WDR82: variants seen among roughly 807,000 people sequenced by gnomAD.
WDR82 encodes the protein WD repeat-containing protein 82.
Under a neutral mutation model 36.1 loss-of-function variants are expected in WDR82, and 8 were observed. The ratio of observed to expected loss-of-function variants is 0.22; its 90% CI spans 0.13 to 0.40. The LOEUF (loss-of-function observed/expected upper bound fraction) is 0.40, where lower values mean the gene tolerates loss of function less well. Among genes scored for constraint, WDR82 ranks in the 10% least tolerant of loss-of-function variants. WDR82 has a pLI of 1.00. For synonymous variants in WDR82, 129 were observed against 137.8 expected (o/e 0.94, Z 0.45); for missense variants, 185 against 400.5 (o/e 0.46, Z 4.59).
intron 4 of WDR82, among the ~76,000 whole-genome samples, chr3:52,260,895 G>A (rs993991767): frequency 6.6e-6 from 1 of 152,224 alleles, no homozygotes; most frequent in African/African-American, 2.4e-5. Flanking sequence ...ACTTTGGGAG[G>A]CCAAGGTAGG....
At chr3:52,262,488 G>T (rs145988417) in intron 3 of WDR82, among the ~76,000 whole-genome samples, 84 of 152,308 alleles carry the variant, frequency 5.5e-4, no homozygotes, top group African/African-American at 1.9e-3. Context: ...AGTGGCATCA[G>T]CATCACCTGG....
chr3:52,271,428 C>T (rs1477690261), intron 1 of WDR82, among the ~76,000 whole-genome samples: 3 of 152,166 alleles, frequency 2.0e-5, no homozygotes, highest in South Asian at 4.1e-4. Context: ...CAAAAACTCA[C>T]GTGATGATCC....
intron 3 of WDR82, among the ~76,000 whole-genome samples, chr3:52,262,064 TATTTGGCA>T (rs776988399): frequency 1.3e-5 from 2 of 152,216 alleles, no homozygotes; most frequent in African/African-American, 2.4e-5. Flanking sequence ...ACTGGAACAT[TATTTGGCA>T]ATAAAAAGTA....
intron 2 of WDR82, among the ~76,000 whole-genome samples, chr3:52,269,281 CCTGA>C (rs1279454069): frequency 6.6e-6 from 1 of 151,778 alleles, no homozygotes; most frequent in Non-Finnish European, 1.5e-5. Context: ...TCGAGACCAG[CCTGA>C]CTAACATGGT....
At chr3:52,277,958 G>C (rs529985501) in intron 1 of WDR82, among the ~76,000 whole-genome samples, 2 of 152,306 alleles carry the variant, frequency 1.3e-5, no homozygotes, top group Non-Finnish European at 2.9e-5. Flanking sequence ...GATGCATAGC[G>C]CTCAAAGGAG....
At chr3:52,262,677 T>C (rs1052568065) in intron 3 of WDR82, among the ~76,000 whole-genome samples, 2 of 152,246 alleles carry the variant, frequency 1.3e-5, no homozygotes, top group Admixed American at 1.3e-4. Context: ...TATTCCTTTT[T>C]TGGTTCCCTT....
At chr3:52,277,064 C>A (rs368794170) in intron 1 of WDR82, among the ~76,000 whole-genome samples, 1 of 82,774 alleles carries the variant, frequency 1.2e-5, no homozygotes, top group Non-Finnish European at 2.7e-5. Flanking sequence ...CCCAAGATCT[C>A]AAATAATAAT....
chr3:52,278,152 A>T, intron 1 of WDR82, 49 bp downstream of exon 1: 1 of 1,515,280 alleles, frequency 6.6e-7, no homozygotes, highest in Non-Finnish European at 8.9e-7. Flanking sequence ...GTGCTGGGCC[A>T]CCGGAGGGAG....
At chr3:52,257,894 G>A (rs1700027538) in intron 8 of WDR82, among the ~76,000 whole-genome samples, 1 of 151,848 alleles carries the variant, frequency 6.6e-6, no homozygotes, top group Admixed American at 6.6e-5. Context: ...AAAAAGTAAG[G>A]AACTGGATGG....
At chr3:52,270,847 TC>T in intron 1 of WDR82, 38 bp from the exon 2 acceptor site, 1 of 1,477,088 alleles carries the variant, frequency 6.8e-7, no homozygotes, top group Non-Finnish European at 9.3e-7. Flanking sequence ...ATGAACATTC[TC>T]CATCATCAAA....
Position 52,270,767 on chromosome 3 carries a change from G to C in WDR82, c.204C>G (p.Leu68=). The C allele has an allele frequency of 6.2e-7, 1 of 1,613,470 alleles. No individual in the cohort carries two copies. Among genetic ancestry groups the C allele is most frequent in the Non-Finnish European group, 8.5e-7 (1 of 1,179,750 alleles). The stretch of plus-strand genomic sequence containing the variant: ...TGTTTGCTGCATGAGTGTATCTGAT[G>C]AGGTCCACACCATATTTCTTACTGT... ...TLYSKKYGVD[L]IRYTHAANTV... Residue 68 remains leucine (L), a synonymous_variant, in exon 2 of 9, where the codon CTC becomes CTG. Coordinates refer to ENST00000296490, the MANE Select transcript of WDR82 (RefSeq NM_025222.4).
intron 1 of WDR82, among the ~76,000 whole-genome samples, chr3:52,277,734 G>T (rs1361817822): frequency 1.3e-5 from 2 of 152,232 alleles, no homozygotes; most frequent in Non-Finnish European, 2.9e-5. Flanking sequence ...GGGATGGGCG[G>T]AGTGCCAGGG....
chr3:52,273,562 T>C (rs1303045677), intron 1 of WDR82, among the ~76,000 whole-genome samples: 1 of 152,182 alleles, frequency 6.6e-6, no homozygotes, highest in South Asian at 2.1e-4. Context: ...AACACTAACC[T>C]GAGATTTTTT....
intron 2 of WDR82, among the ~76,000 whole-genome samples, chr3:52,269,411 A>T (rs1700134079): frequency 6.6e-6 from 1 of 151,804 alleles, no homozygotes; most frequent in Non-Finnish European, 1.5e-5. Flanking sequence ...GGAGGCTGAG[A>T]TTGCAGTGAG....
rs748671656 is a variant in WDR82 at position 52,270,724 on chromosome 3, T to C, written c.247A>G (p.Asn83Asp). ...AAGGCTTGCTTACCGTCTATTTTGT[T>C]AGAGCTGTAAACAACTGTGTTTGCT... ...HAANTVVYSS[N>D]KIDDTIRYLS... is the part of the protein sequence containing the mutation. The change falls in exon 2 of 9, where the codon AAC becomes GAC. Residue 83 changes from asparagine (N) to aspartate (D), a missense_variant. By Grantham distance (23) the Asn-to-Asp change is conservative (BLOSUM62 1). Transcript: ENST00000296490. 1.2e-6 allele frequency: 2 copies of C among 1,611,574 alleles called. No individual in the cohort carries two copies. Among genetic ancestry groups the C allele is most frequent in the Non-Finnish European group, 1.7e-6 (2 of 1,179,032 alleles).
At chr3:52,265,868 C>T (rs1000564446) in intron 3 of WDR82, among the ~76,000 whole-genome samples, 3 of 152,144 alleles carry the variant, frequency 2.0e-5, no homozygotes, top group African/African-American at 7.2e-5. Context: ...TAAGCCACCA[C>T]GCCTGGCCTG....
chr3:52,258,826 A>G, intron 7 of WDR82, 148 bp from the exon 8 acceptor site: 1 of 1,136,942 alleles, frequency 8.8e-7, no homozygotes, highest in Non-Finnish European at 1.2e-6. Context: ...GCAGTGAAGG[A>G]AGGACACTTT....
chr3:52,274,568 C>CAACA (rs1282251572), intron 1 of WDR82, among the ~76,000 whole-genome samples: 3 of 151,564 alleles, frequency 2.0e-5, no homozygotes, highest in African/African-American at 7.3e-5. Flanking sequence ...TTTGTCTTAA[C>CAACA]AACAAACAAA....
intron 6 of WDR82, 30 bp from the exon 7 acceptor site, chr3:52,259,296 C>T (rs55847657): frequency 6.2e-7 from 1 of 1,608,248 alleles, no homozygotes; most frequent in South Asian, 1.1e-5. Flanking sequence ...TTCTTTTGTT[C>T]TTACAGAGCC....
Sources: gnomAD v4.1 joint callset for allele counts (sites outside exome capture counted in the v4.1 genomes callset) on GRCh38, gnomAD v4.1.1 for gene constraint, MANE v1.5 for transcripts, NCBI Gene and HGNC (gene_info 2026-07-23, HGNC 2026-07-21) for gene names.